Variants in KLHL36 observed in about 807,000 individuals in gnomAD.
KLHL36 encodes the protein kelch-like protein 36.
A neutral mutation model predicts 53.3 loss-of-function variants in KLHL36; 35 were observed. That is an observed-to-expected ratio of 0.66 (90% confidence interval 0.50 to 0.87). KLHL36 has a LOEUF of 0.87. Ranked by LOEUF, KLHL36 falls within the 40% of genes least tolerant of loss-of-function variation. KLHL36 has a pLI of 0.00. For missense variants in KLHL36, 864 were observed against 897.6 expected (o/e 0.96, Z 0.48); for synonymous variants, 472 against 398.9 (o/e 1.18, Z -2.18).
At position 84,664,580 on chromosome 16, in the gene KLHL36, C is replaced by T. The variant is rs34074285; in HGVS notation, c.*2447C>T. Reference sequence around the variant, plus strand: ...GGTTTGTAATTGACATGGCTTTGACCCTAATATTACTAAGGTTGGGACCAC... The same window carrying T: ...GGTTTGTAATTGACATGGCTTTGACTCTAATATTACTAAGGTTGGGACCAC... On this transcript the variant is annotated 3_prime_UTR_variant, in exon 5 of 5. Transcript: ENST00000564996. 21,547 of 152,114 alleles carry T rather than the reference C, an allele frequency of 0.14. 2,143 individuals are homozygous for T. Among genetic ancestry groups the T allele is most frequent in the Non-Finnish European group, 0.21 (14,593 of 67,986 alleles). 9.4% of individuals were successfully genotyped at this position (152,114 alleles called of 1,614,324 possible).
At chr16:84,658,541 G>A (rs1907359182) in intron 3 of KLHL36, 1 of 152,286 alleles carries the variant, frequency 6.6e-6, no homozygotes, top group Non-Finnish European at 1.5e-5. Flanking sequence ...CTTGATGTCA[G>A]ACCTGAGGTC....
At chr16:84,660,332 G>C (rs114602425) in intron 4 of KLHL36, among the ~76,000 whole-genome samples, 1 of 152,108 alleles carries the variant, frequency 6.6e-6, no homozygotes, top group Non-Finnish European at 1.5e-5. Context: ...AGACGATAAT[G>C]ATACCCACCC....
At chr16:84,651,339 C>T (rs1004066082) in intron 2 of KLHL36, among the ~76,000 whole-genome samples, 4 of 152,136 alleles carry the variant, frequency 2.6e-5, no homozygotes, top group East Asian at 1.9e-4. Flanking sequence ...ACCGTGTACC[C>T]GGACCCCAAG....
At chr16:84,651,289 A>G (rs995860637) in intron 2 of KLHL36, among the ~76,000 whole-genome samples, 6 of 152,184 alleles carry the variant, frequency 3.9e-5, no homozygotes, top group East Asian at 1.9e-4. Flanking sequence ...GGACAGGTCC[A>G]TTGAGAACCC....
Position 84,656,976 on chromosome 16 carries a change from G to C in KLHL36, c.169G>C (p.Val57Leu), listed in dbSNP as rs547079119. Residue 57 changes from valine to leucine, a missense_variant, in exon 3 of 5, where the codon GTG becomes CTG. Coordinates refer to ENST00000564996, the MANE Select transcript of KLHL36 (RefSeq NM_024731.4). Reference sequence around the variant, plus strand: ...CGTCCTGGTGGCCGATGAGCAGCGTGTGCCAGCCCATCGCAACCTGCTGGC... The same window carrying C: ...CGTCCTGGTGGCCGATGAGCAGCGTCTGCCAGCCCATCGCAACCTGCTGGC... ...DVVLVADEQRVPAHRNLLAVC... is the reference protein window; with the variant it reads ...DVVLVADEQRLPAHRNLLAVC... 2.0e-5 allele frequency: 32 copies of C among 1,614,000 alleles called. No homozygotes were observed. The Middle Eastern group carries it at 1.3e-3, about 67-fold the overall frequency.
In KLHL36 at chr16:84,664,387, A is replaced by T. The variant is rs1482133376; in HGVS notation, c.*2254A>T. 2 of 151,952 alleles carry T rather than the reference A, an allele frequency of 1.3e-5. No individual in the cohort carries two copies. Among genetic ancestry groups the T allele is most frequent in the African/African-American group, 4.8e-5 (2 of 41,324 alleles). The allele number at this position is 151,952 out of a possible 1,614,324, so 9.4% of individuals were successfully genotyped here. ...ATAGCTTTGACCTTGGAGAGAGGAG[A>T]GCCATTGGTTTTCAGCCTAAGCCAG... On this transcript the variant is annotated 3_prime_UTR_variant, in exon 5 of 5. Transcript: ENST00000564996.
At position 84,657,315 on chromosome 16, in the gene KLHL36, T is replaced by C; in HGVS notation, c.508T>C (p.Phe170Leu). The change falls in exon 3 of 5, where the codon TTC (phenylalanine) becomes CTC (leucine). Residue 170 changes from phenylalanine (F) to leucine (L), a missense_variant. Phe to Leu is a conservative substitution (Grantham distance 22). Coordinates refer to ENST00000564996, the MANE Select transcript of KLHL36 (RefSeq NM_024731.4). ...LKRLDAFIDG[F>L]ILNHFGTLSF... is the part of the protein sequence containing the mutation. ...GCGGCTTGATGCCTTCATCGATGGC[T>C]TCATCCTGAACCACTTCGGCACGCT... 6.2e-7 allele frequency: 1 copy of C among 1,613,766 alleles called. No homozygotes were observed. The highest frequency in any genetic ancestry group is 8.5e-7 in the Non-Finnish European group (1 of 1,180,024).
chr16:84,657,903 C>A lies in KLHL36; in HGVS notation c.1096C>A (p.Leu366Ile). The A allele has an allele frequency of 6.4e-7, 1 of 1,550,558 alleles. No homozygotes were observed. Among genetic ancestry groups the A allele is most frequent in the Non-Finnish European group, 8.7e-7 (1 of 1,147,778 alleles). ...RDNGGDAASN[L>I]LYRYDPRCKQ... ...CAACGGAGGGGATGCGGCCTCCAAT[C>A]TTCTTTATAGGTATGACCCCCGCTG... The change falls in exon 3 of 5, where the codon CTT (leucine) becomes ATT (isoleucine). Residue 366 changes from leucine (L) to isoleucine (I), a missense_variant. Leu to Ile is a conservative substitution (Grantham distance 5, BLOSUM62 2). Transcript: ENST00000564996.
chr16:84,650,961 A>C lies in KLHL36; in HGVS notation c.63+31A>C, dbSNP rs565654267. ...TGAATGTTCACTCACCACCTATGCA[A>C]ATTGCCTAAGAAGTGTGATCCTTTT... On this transcript the variant is annotated intron_variant, in intron 2 of 4. Transcript: ENST00000564996. 6.4e-6 allele frequency: 10 copies of C among 1,556,624 alleles called. No homozygotes were observed. In the South Asian group the frequency reaches 1.2e-4, roughly 18 times the overall value.
intron 3 of KLHL36, 75 bp from the exon 4 acceptor site, chr16:84,659,685 T>G (rs1221715476): frequency 9.5e-6 from 14 of 1,470,942 alleles, no homozygotes; most frequent in Non-Finnish European, 1.3e-5. Flanking sequence ...CAGACACATT[T>G]GGGAACCGCA....
intron 2 of KLHL36, among the ~76,000 whole-genome samples, chr16:84,653,063 A>G (rs1405840732): frequency 1.3e-5 from 2 of 152,124 alleles, no homozygotes. Flanking sequence ...CAAAAGATAC[A>G]AAAATTAGCC....
In KLHL36 at chr16:84,656,114, G is replaced by A. The variant is rs1362500546; in HGVS notation, c.64-757G>A. On this transcript the variant is annotated intron_variant, in intron 2 of 4. Transcript: ENST00000564996. ...TCGCTATGTTGCCCAGGTTGGTCTCGAACTTCCTGGCCTCAAGTGATTCTC... is the reference window on the plus strand; with the variant it reads ...TCGCTATGTTGCCCAGGTTGGTCTCAAACTTCCTGGCCTCAAGTGATTCTC... 3.3e-5 allele frequency among the ~76,000 whole-genome samples: 5 copies of A among 152,008 alleles called. No individual in the cohort carries two copies. The East Asian group carries it at 7.7e-4, about 24-fold the overall frequency.
Position 84,657,693 on chromosome 16 carries a change from C to T in KLHL36, c.886C>T (p.Arg296Cys), listed in dbSNP as rs999362327. The change falls in exon 3 of 5, where the codon CGC becomes TGC. Residue 296 changes from arginine to cysteine, a missense_variant. Arg to Cys is a radical substitution (Grantham distance 180). Coordinates refer to ENST00000564996, the MANE Select transcript of KLHL36 (RefSeq NM_024731.4). ...KRTALRTNQE[R>C]LLFVGGEVSE... ...CACGGCGCTGCGCACCAACCAGGAGCGCCTGCTGTTTGTGGGCGGCGAGGT... is the reference window on the plus strand; with the variant it reads ...CACGGCGCTGCGCACCAACCAGGAGTGCCTGCTGTTTGTGGGCGGCGAGGT... The T allele has an allele frequency of 1.1e-5, 17 of 1,612,614 alleles. No homozygotes were observed. Among genetic ancestry groups the T allele is most frequent in the South Asian group, 2.2e-5 (2 of 91,064 alleles).
intron 2 of KLHL36, among the ~76,000 whole-genome samples, chr16:84,654,570 T>G (rs1255331801): frequency 6.6e-6 from 1 of 151,108 alleles, no homozygotes; most frequent in Non-Finnish European, 1.5e-5. Flanking sequence ...AGGGATTGCT[T>G]GAGACTAGTT....
At chr16:84,656,707 G>C (rs1287915202) in intron 2 of KLHL36, among the ~76,000 whole-genome samples, 164 bp from the exon 3 acceptor site, 1 of 151,806 alleles carries the variant, frequency 6.6e-6, no homozygotes, top group Non-Finnish European at 1.5e-5. Context: ...CGATACACAG[G>C]CATACTCAGA....
chr16:84,660,991 G>A (rs1033356972), intron 4 of KLHL36, among the ~76,000 whole-genome samples: 2 of 152,150 alleles, frequency 1.3e-5, no homozygotes, highest in Non-Finnish European at 1.5e-5. Flanking sequence ...GCACAGTTGT[G>A]TGGGTTTTGA....
Position 84,662,017 on chromosome 16 carries a change from G to A in KLHL36, c.1735G>A (p.Val579Ile), listed in dbSNP as rs1281415219. The A allele has an allele frequency of 1.3e-5, 21 of 1,589,720 alleles. No individual in the cohort carries two copies. The highest frequency in any genetic ancestry group is 2.3e-5 in the South Asian group (2 of 87,406). ...CGAGGCCGACAAGTGGAGCAGGGGC[G>A]TCGACCTGCCCAAGGCCATCGCTGG... ...DREADKWSRGVDLPKAIAGGS... is the reference protein window; with the variant it reads ...DREADKWSRGIDLPKAIAGGS... Residue 579 changes from valine (V) to isoleucine (I), a missense_variant, in exon 5 of 5, where the codon GTC becomes ATC. Val to Ile is a conservative substitution (Grantham distance 29). Transcript: ENST00000564996.
chr16:84,654,834 T>C (rs1292684804), intron 2 of KLHL36, among the ~76,000 whole-genome samples: 1 of 152,160 alleles, frequency 6.6e-6, no homozygotes, highest in African/African-American at 2.4e-5. Flanking sequence ...GGTCTCGAAC[T>C]CCTGACCTCA....
At position 84,662,368 on chromosome 16, in the gene KLHL36, T is replaced by A; in HGVS notation, c.*235T>A. On this transcript the variant is annotated 3_prime_UTR_variant, in exon 5 of 5. Coordinates refer to ENST00000564996, the MANE Select transcript of KLHL36 (RefSeq NM_024731.4). ...AGGCAGTGAGCAACCCCTTGTATCT[T>A]CACAGGTCTTTGCCCCGTGTTATGA... 2.2e-6 allele frequency: 1 copy of A among 448,260 alleles called. No individual in the cohort carries two copies. 27.8% of individuals were successfully genotyped at this position (448,260 alleles called of 1,614,324 possible).
Sources: allele counts gnomAD v4.1 joint callset (sites outside exome capture counted in the v4.1 genomes callset), GRCh38; gene constraint gnomAD v4.1.1; transcripts MANE v1.5; gene names NCBI Gene and HGNC (gene_info 2026-07-23, HGNC 2026-07-21).